ITGBL1: variants seen among roughly 807,000 people sequenced by gnomAD.
ITGBL1 encodes integrin subunit beta like 1, also known as integrin beta-like protein 1.
In ITGBL1, 51 loss-of-function variants were observed where a neutral mutation model predicts 68.5. That is an observed-to-expected ratio of 0.74 (90% CI 0.59 to 0.94). The LOEUF (loss-of-function observed/expected upper bound fraction) is 0.94. Among genes scored for constraint, ITGBL1 ranks in the 40% least tolerant of loss-of-function variants. ITGBL1 has a pLI of 0.00. For synonymous variants in ITGBL1, 209 were observed against 227.3 expected, an observed-to-expected ratio of 0.92 and a Z score of 0.72; for missense variants, 649 against 647.4, an observed-to-expected ratio of 1.00 and a Z score of -0.03.
chr13:101,548,794 A>C (rs1446625696), intron 2 of ITGBL1, among the ~76,000 whole-genome samples: 1 of 151,806 alleles, frequency 6.6e-6, no homozygotes, highest in Non-Finnish European at 1.5e-5. Context: ...TGAAATTGAC[A>C]AACTGTTTCT....
chr13:101,547,716 T>C (rs1185278107), intron 2 of ITGBL1, among the ~76,000 whole-genome samples: 1 of 151,834 alleles, frequency 6.6e-6, no homozygotes, highest in Non-Finnish European at 1.5e-5. Flanking sequence ...TGGATTGTTT[T>C]TTAATACGGA....
At chr13:101,566,134 C>A (rs923665368) in intron 2 of ITGBL1, among the ~76,000 whole-genome samples, 2 of 152,096 alleles carry the variant, frequency 1.3e-5, no homozygotes, top group African/African-American at 4.8e-5. Flanking sequence ...TTTCTATTTT[C>A]TTTACTGTTT....
chr13:101,524,833 G>A (rs925645578), intron 2 of ITGBL1, among the ~76,000 whole-genome samples: 2 of 152,024 alleles, frequency 1.3e-5, no homozygotes, highest in Non-Finnish European at 2.9e-5. Context: ...ATTTGTTTGT[G>A]TAATTATTTA....
chr13:101,602,743 G>T (rs116660970), intron 7 of ITGBL1, among the ~76,000 whole-genome samples: 138 of 152,004 alleles, frequency 9.1e-4, no homozygotes, highest in African/African-American at 3.1e-3. Flanking sequence ...TCTTGTCCCA[G>T]AACCCCTGGA....
chr13:101,463,893 G>A (rs1364688246), intron 2 of ITGBL1, among the ~76,000 whole-genome samples: 2 of 148,854 alleles, frequency 1.3e-5, no homozygotes, highest in Admixed American at 6.7e-5. Flanking sequence ...TTGAATAGGA[G>A]TCATTCTAGT....
chr13:101,621,188 T>G (rs538947162), intron 7 of ITGBL1, among the ~76,000 whole-genome samples: 2 of 152,168 alleles, frequency 1.3e-5, no homozygotes, highest in African/African-American at 4.8e-5. Context: ...CAGGAAAATA[T>G]CTGTTTGAAT....
At chr13:101,598,909 T>C (rs964412933) in intron 7 of ITGBL1, among the ~76,000 whole-genome samples, 5 of 152,166 alleles carry the variant, frequency 3.3e-5, no homozygotes, top group Non-Finnish European at 5.9e-5. Context: ...TGTGCATGTG[T>C]CTTTATAGCA....
chr13:101,616,497 T>C (rs2031366882), intron 7 of ITGBL1, among the ~76,000 whole-genome samples: 1 of 152,124 alleles, frequency 6.6e-6, no homozygotes. Flanking sequence ...CTTTTTATAA[T>C]TGTTTATTTT....
rs1301353459 is a variant in ITGBL1 at position 101,466,427 on chromosome 13, T to C, written c.316+12327T>C. ...CTTTGATTCACTTCATGAACACACA[T>C]TGAGGGTATATACTATAGGTATCAA... On this transcript the variant is annotated intron_variant, in intron 2 of 10. Transcript: ENST00000376180. Among the ~76,000 whole-genome samples the C allele has an allele frequency of 2.6e-5, 4 of 152,310 alleles. No individual in the cohort carries two copies. The East Asian group carries it at 5.8e-4, about 22-fold the overall frequency.
intron 7 of ITGBL1, among the ~76,000 whole-genome samples, chr13:101,637,623 G>A (rs866536532): frequency 2.0e-5 from 3 of 152,106 alleles, no homozygotes; most frequent in Non-Finnish European, 2.9e-5. Flanking sequence ...GATTACAGGC[G>A]TGAGCCACCA....
intron 3 of ITGBL1, among the ~76,000 whole-genome samples, chr13:101,569,044 A>ACACACAC: frequency 6.7e-6 from 1 of 149,826 alleles, no homozygotes; most frequent in South Asian, 2.1e-4. Flanking sequence ...ACACACACAC[A>ACACACAC]CACACACACA....
In ITGBL1 at chr13:101,606,516, A is replaced by G. The variant is rs181085509; in HGVS notation, c.1015+8217A>G. ...CTCAAAAACTATAATGGCTTATGGTAGGCTAAACGTTAGTTTTACATTCTT... is the reference window on the plus strand; with the variant it reads ...CTCAAAAACTATAATGGCTTATGGTGGGCTAAACGTTAGTTTTACATTCTT... On this transcript the variant is annotated intron_variant, in intron 7 of 10. Coordinates refer to ENST00000376180, the MANE Select transcript of ITGBL1 (RefSeq NM_004791.3). Among the ~76,000 whole-genome samples, 4 of 152,072 alleles carry G rather than the reference A, an allele frequency of 2.6e-5. No individual in the cohort carries two copies. The East Asian group carries it at 5.8e-4, about 22-fold the overall frequency.
intron 2 of ITGBL1, among the ~76,000 whole-genome samples, chr13:101,521,890 G>A (rs1416350622): frequency 6.7e-6 from 1 of 150,266 alleles, no homozygotes; most frequent in Non-Finnish European, 1.5e-5. Context: ...TCATAGTCCT[G>A]GAGGCTCAGG....
chr13:101,551,557 C>T (rs750515170), intron 2 of ITGBL1, among the ~76,000 whole-genome samples: 3 of 152,248 alleles, frequency 2.0e-5, no homozygotes, highest in Non-Finnish European at 4.4e-5. Flanking sequence ...CTGTCTTGCT[C>T]CTCAGCTCCA....
intron 7 of ITGBL1, among the ~76,000 whole-genome samples, chr13:101,611,121 T>C (rs2031106870): frequency 1.3e-5 from 2 of 152,158 alleles, no homozygotes; most frequent in Admixed American, 1.3e-4. Context: ...ACCTAACTTC[T>C]TCTTGTGTGA....
chr13:101,619,271 C>T (rs773260288), intron 7 of ITGBL1, among the ~76,000 whole-genome samples: 8 of 151,994 alleles, frequency 5.3e-5, no homozygotes, highest in Non-Finnish European at 1.2e-4. Flanking sequence ...TGTTAGATTA[C>T]ATGGCAAAAG....
At chr13:101,509,901 T>C (rs2049087885) in intron 2 of ITGBL1, among the ~76,000 whole-genome samples, 1 of 142,002 alleles carries the variant, frequency 7.0e-6, no homozygotes, top group South Asian at 2.4e-4. Context: ...ACTATAACAA[T>C]TAACTTACTT....
At chr13:101,591,984 CT>C (rs1472619740) in intron 6 of ITGBL1, among the ~76,000 whole-genome samples, 1 of 152,114 alleles carries the variant, frequency 6.6e-6, no homozygotes, top group Non-Finnish European at 1.5e-5. Context: ...ATTTAATGTA[CT>C]TCCGAAGAAA....
At chr13:101,548,916 G>T (rs2049873811) in intron 2 of ITGBL1, among the ~76,000 whole-genome samples, 2 of 151,654 alleles carry the variant, frequency 1.3e-5, no homozygotes, top group South Asian at 4.2e-4. Flanking sequence ...AATTAAATAA[G>T]CTGAGTTGAA....
Sources: allele counts gnomAD v4.1 joint callset (sites outside exome capture counted in the v4.1 genomes callset), GRCh38; gene constraint gnomAD v4.1.1; transcripts MANE v1.5; gene names NCBI Gene and HGNC (gene_info 2026-07-23, HGNC 2026-07-21).